Variants in UNC13C observed in about 807,000 individuals in gnomAD.
UNC13C encodes protein unc-13 homolog C.
Under a neutral mutation model 245.4 loss-of-function variants are expected in UNC13C, and 174 were observed. The observed-to-expected ratio is 0.71, with a 90% CI of 0.63 to 0.80. The LOEUF (loss-of-function observed/expected upper bound fraction) is 0.80, where lower values mean the gene tolerates loss of function less well. Among genes scored for constraint, UNC13C ranks in the 30% least tolerant of loss-of-function variants. The pLI is 0.00. For missense variants in UNC13C, 2,829 were observed against 2,602.9 expected (o/e 1.09, Z -1.89); for synonymous variants, 992 against 895.1 (o/e 1.11, Z -1.93).
intron 19 of UNC13C, among the ~76,000 whole-genome samples, chr15:54,428,895 A>T (rs1378050829): frequency 1.3e-5 from 2 of 151,608 alleles, no homozygotes; most frequent in African/African-American, 2.4e-5. Context: ...TTGGTGGTTG[A>T]TCAATCACTG....
chr15:54,265,268 C>A (rs2036524130), intron 9 of UNC13C, 87 bp from the exon 10 acceptor site: 1 of 1,172,732 alleles, frequency 8.5e-7, no homozygotes, highest in Non-Finnish European at 1.1e-6. Context: ...CCCAAAGAAC[C>A]AAATGACAGA....
chr15:54,041,498 G>A (rs1166061692), intron 2 of UNC13C, among the ~76,000 whole-genome samples: 1 of 152,152 alleles, frequency 6.6e-6, no homozygotes, highest in Non-Finnish European at 1.5e-5. Context: ...TGGAAATATT[G>A]TTCCCATATA....
At chr15:54,249,916 C>T (rs988265089) in intron 7 of UNC13C, among the ~76,000 whole-genome samples, 4 of 152,112 alleles carry the variant, frequency 2.6e-5, no homozygotes, top group Admixed American at 6.5e-5. Context: ...ATAGCAGGGA[C>T]TTAGACATTC....
At chr15:54,611,902 TC>T (rs1361784241) in intron 30 of UNC13C, among the ~76,000 whole-genome samples, 4 of 152,128 alleles carry the variant, frequency 2.6e-5, no homozygotes, top group Admixed American at 6.5e-5. Context: ...CAATTATGTA[TC>T]CATTTACATG....
At chr15:53,861,068 G>C in the UNC13C span, among the ~76,000 whole-genome samples, 1 of 152,068 alleles carries the variant, frequency 6.6e-6, no homozygotes, top group African/African-American at 2.4e-5. Flanking sequence ...TTACATTATA[G>C]AATGACATCA....
At chr15:53,904,432 G>C in the UNC13C span, among the ~76,000 whole-genome samples, 4 of 152,072 alleles carry the variant, frequency 2.6e-5, no homozygotes, top group South Asian at 8.3e-4. Context: ...TATATGCACT[G>C]CGCCCTTGCC....
intron 16 of UNC13C, 127 bp from the exon 17 acceptor site, chr15:54,338,234 A>G: frequency 9.1e-7 from 1 of 1,102,308 alleles, no homozygotes; most frequent in Non-Finnish European, 1.3e-6. Context: ...ACCACATGGT[A>G]AGATGACACT....
chr15:54,294,131 T>C (rs937208965), intron 11 of UNC13C, 67 bp downstream of exon 11: 11 of 1,321,898 alleles, frequency 8.3e-6, no homozygotes, highest in Non-Finnish European at 1.1e-5. Flanking sequence ...TGGCATGTAT[T>C]ACATTCCCAT....
chr15:54,190,978 T>C (rs1169699672), intron 4 of UNC13C, among the ~76,000 whole-genome samples: 1 of 152,126 alleles, frequency 6.6e-6, no homozygotes, highest in African/African-American at 2.4e-5. Flanking sequence ...CTTTCCGTAA[T>C]AAGCAATGAT....
chr15:54,397,899 T>C (rs541642529), intron 18 of UNC13C, among the ~76,000 whole-genome samples: 2 of 151,502 alleles, frequency 1.3e-5, no homozygotes, highest in South Asian at 4.1e-4. Flanking sequence ...TTGTCTAAAA[T>C]AAATATGGTT....
chr15:54,411,856 T>C (rs1367115788), intron 18 of UNC13C, among the ~76,000 whole-genome samples: 1 of 152,198 alleles, frequency 6.6e-6, no homozygotes, highest in Non-Finnish European at 1.5e-5. Flanking sequence ...TTGATTGAGA[T>C]TGCATTGAAT....
chr15:54,001,983 C>G (rs2090472165), intron 1 of UNC13C, among the ~76,000 whole-genome samples: 1 of 152,168 alleles, frequency 6.6e-6, no homozygotes, highest in Non-Finnish European at 1.5e-5. Context: ...GGTTTGGTAA[C>G]CATACAGAAA....
chr15:54,282,462 C>T (rs1386190262), intron 10 of UNC13C, among the ~76,000 whole-genome samples: 1 of 152,114 alleles, frequency 6.6e-6, no homozygotes, highest in Non-Finnish European at 1.5e-5. Context: ...GAGTAAGCCC[C>T]ATGTGGGACC....
chr15:54,037,402 AAGAGT>A (rs1896617759), intron 2 of UNC13C, among the ~76,000 whole-genome samples: 1 of 152,180 alleles, frequency 6.6e-6, no homozygotes, highest in Admixed American at 6.5e-5. Context: ...TTGCGGTAAT[AAGAGT>A]ATTTTTCTCA....
intron 14 of UNC13C, among the ~76,000 whole-genome samples, chr15:54,326,032 G>A (rs541732480): frequency 1.3e-5 from 2 of 152,116 alleles, no homozygotes; most frequent in South Asian, 4.1e-4. Flanking sequence ...CAGAGGAAAC[G>A]AAGGAAGTGC....
chr15:53,848,679 T>G, the UNC13C span, among the ~76,000 whole-genome samples: 1 of 152,268 alleles, frequency 6.6e-6, no homozygotes, highest in Non-Finnish European at 1.5e-5. Flanking sequence ...TTCTATTGAT[T>G]TCTCTGCCTT....
In UNC13C at chr15:54,567,852, G is replaced by A; in HGVS notation, c.6011G>A (p.Ser2004Asn). ...CTGAAAAAGAATTTCTTGGAGAAAA[G>A]CCCAGATCTTCAGTCTCTGAGATAT... The part of the protein sequence containing the change: ...NGLKKNFLEK[S>N]PDLQSLRYAL... The change falls in exon 30 of 33, where the codon AGC becomes AAC. Residue 2004 changes from serine (S) to asparagine (N), a missense_variant. Physicochemically the swap from Ser to Asn is conservative, Grantham distance 46 (BLOSUM62 1). Transcript: ENST00000260323. 6.2e-7 allele frequency: 1 copy of A among 1,604,188 alleles called. No individual in the cohort carries two copies. The highest frequency in any genetic ancestry group is 1.7e-5 in the Admixed American group (1 of 59,022).
intron 13 of UNC13C, among the ~76,000 whole-genome samples, chr15:54,304,143 G>T (rs922474629): frequency 1.3e-5 from 2 of 152,038 alleles, no homozygotes; most frequent in Non-Finnish European, 2.9e-5. Flanking sequence ...CTAGTGCAAA[G>T]CAGCCATAGA....
intron 1 of UNC13C, among the ~76,000 whole-genome samples, chr15:53,979,532 C>G (rs1893839873): frequency 6.6e-6 from 1 of 152,176 alleles, no homozygotes; most frequent in African/African-American, 2.4e-5. Context: ...CTCAAGGAGG[C>G]AGTCTAAAAA....
Sources: allele counts gnomAD v4.1 joint callset (sites outside exome capture counted in the v4.1 genomes callset), GRCh38; gene constraint gnomAD v4.1.1; transcripts MANE v1.5; gene names NCBI Gene and HGNC (gene_info 2026-07-23, HGNC 2026-07-21).